CYP4X1: variants seen among roughly 807,000 people sequenced by gnomAD.
CYP4X1 encodes the protein cytochrome P450 4X1.
Under a neutral mutation model 57.9 loss-of-function variants are expected in CYP4X1, and 44 were observed. The ratio of observed to expected loss-of-function variants is 0.76; its 90% CI spans 0.60 to 0.98. The LOEUF is 0.98. Among genes scored for constraint, CYP4X1 ranks in the 50% least tolerant of loss-of-function variants. The probability of loss-of-function intolerance (pLI) is 0.00; values close to 1 mark genes in which losing one functional copy is unlikely to be tolerated. For synonymous variants in CYP4X1, 227 were observed against 228.6 expected (o/e 0.99, Z 0.06); for missense variants, 532 against 623.9 (o/e 0.85, Z 1.57).
the CYP4X1 span, among the ~76,000 whole-genome samples, chr1:46,988,263 C>G: frequency 1.3e-5 from 2 of 152,074 alleles, no homozygotes; most frequent in African/African-American, 4.8e-5. Flanking sequence ...AACACCTCTA[C>G]ACAAATAAAC....
At chr1:46,989,564 T>C in the CYP4X1 span, among the ~76,000 whole-genome samples, 1 of 152,156 alleles carries the variant, frequency 6.6e-6, no homozygotes, top group Admixed American at 6.5e-5. Context: ...AAATTTCATA[T>C]GGAACCAAAA....
At chr1:47,054,874 A>G (rs568320403), downstream of CYP4X1, among the ~76,000 whole-genome samples, 7 of 152,214 alleles carry the variant, frequency 4.6e-5, no homozygotes, top group East Asian at 1.9e-4. Context: ...AACAGGGACA[A>G]TTTGACTTCC....
chr1:47,010,376 A>C, the CYP4X1 span, among the ~76,000 whole-genome samples: 1 of 152,136 alleles, frequency 6.6e-6, no homozygotes, highest in Non-Finnish European at 1.5e-5. Flanking sequence ...CATGCTAAAA[A>C]CTCTCAATAA....
the CYP4X1 span, among the ~76,000 whole-genome samples, chr1:46,978,734 C>T: frequency 1.3e-3 from 193 of 151,326 alleles, no homozygotes; most frequent in Non-Finnish European, 2.2e-3. Context: ...AGTGAAGCAC[C>T]CCTTAGCAAA....
the CYP4X1 span, among the ~76,000 whole-genome samples, chr1:46,970,164 T>C: frequency 3.9e-5 from 6 of 152,206 alleles, no homozygotes; most frequent in South Asian, 4.1e-4. Flanking sequence ...CTTAATATTT[T>C]TGAAAATTGA....
the CYP4X1 span, among the ~76,000 whole-genome samples, chr1:46,976,984 G>A: frequency 6.6e-6 from 1 of 152,248 alleles, no homozygotes; most frequent in East Asian, 1.9e-4. Flanking sequence ...CATCATCAAA[G>A]GCCAAAGGTA....
the CYP4X1 span, among the ~76,000 whole-genome samples, chr1:47,016,823 T>C: frequency 6.6e-6 from 1 of 152,242 alleles, no homozygotes; most frequent in African/African-American, 2.4e-5. Flanking sequence ...TGCTATTAAA[T>C]ACTAGGTCTT....
At chr1:47,010,481 C>T in the CYP4X1 span, among the ~76,000 whole-genome samples, 18 of 152,032 alleles carry the variant, frequency 1.2e-4, no homozygotes, top group East Asian at 9.7e-4. Context: ...ACTGGAAGCA[C>T]TCCCTTTGAA....
At chr1:47,047,310 A>T (rs1472293270) in intron 9 of CYP4X1, among the ~76,000 whole-genome samples, 2 of 152,132 alleles carry the variant, frequency 1.3e-5, no homozygotes, top group Non-Finnish European at 2.9e-5. Context: ...ATATTATCTG[A>T]TTCAATGTTC....
chr1:47,053,528 C>A (rs375090625), downstream of CYP4X1, among the ~76,000 whole-genome samples: 19 of 152,298 alleles, frequency 1.2e-4, no homozygotes, highest in East Asian at 2.1e-3. Context: ...GTTTACCCTC[C>A]CACCAACAGT....
chr1:47,008,210 C>T, the CYP4X1 span, among the ~76,000 whole-genome samples: 9 of 152,216 alleles, frequency 5.9e-5, no homozygotes, highest in Admixed American at 5.9e-4. Flanking sequence ...GCCCATCAGA[C>T]TAACAGCTGA....
the CYP4X1 span, among the ~76,000 whole-genome samples, chr1:47,010,999 T>C: frequency 6.6e-6 from 1 of 152,170 alleles, no homozygotes; most frequent in Non-Finnish European, 1.5e-5. Context: ...AATTTATAGA[T>C]TCAATGCCAT....
intron 6 of CYP4X1, among the ~76,000 whole-genome samples, chr1:47,038,444 T>C (rs1312487785): frequency 1.3e-5 from 2 of 152,214 alleles, no homozygotes; most frequent in African/African-American, 2.4e-5. Flanking sequence ...ATTGCCCACA[T>C]ACTGATGGAA....
chr1:46,983,565 G>C, the CYP4X1 span, among the ~76,000 whole-genome samples: 9 of 152,338 alleles, frequency 5.9e-5, no homozygotes, highest in Admixed American at 2.0e-4. Flanking sequence ...GTGGGGGCAG[G>C]GCGGCTGTGC....
chr1:46,979,180 T>G, the CYP4X1 span, among the ~76,000 whole-genome samples: 2 of 152,056 alleles, frequency 1.3e-5, no homozygotes, highest in Non-Finnish European at 2.9e-5. Context: ...AATCAAGGAA[T>G]CCAGGAGCTG....
At chr1:47,053,635 T>C (rs371363566), downstream of CYP4X1, among the ~76,000 whole-genome samples, 3 of 152,232 alleles carry the variant, frequency 2.0e-5, no homozygotes, top group East Asian at 1.9e-4. Flanking sequence ...TAGTATCTCA[T>C]TGTGGTTTTG....
the CYP4X1 span, among the ~76,000 whole-genome samples, chr1:47,018,168 G>A: frequency 6.6e-6 from 1 of 152,138 alleles, no homozygotes; most frequent in Non-Finnish European, 1.5e-5. Context: ...ATGAGATGAA[G>A]ATGAACTGGG....
intron 2 of CYP4X1, among the ~76,000 whole-genome samples, chr1:47,031,015 C>T (rs1244456959): frequency 2.6e-5 from 4 of 152,208 alleles, no homozygotes; most frequent in Non-Finnish European, 1.5e-5. Context: ...CAGTAGAACA[C>T]CTCCACTTTG....
the CYP4X1 span, among the ~76,000 whole-genome samples, chr1:47,013,615 G>A: frequency 6.6e-6 from 1 of 152,110 alleles, no homozygotes. Context: ...AATTGCTTAA[G>A]GCATTTGACT....
Sources: allele counts gnomAD v4.1 joint callset (sites outside exome capture counted in the v4.1 genomes callset), GRCh38; gene constraint gnomAD v4.1.1; transcripts MANE v1.5; gene names NCBI Gene and HGNC (gene_info 2026-07-23, HGNC 2026-07-21).